The following NCKAP1 variants were observed in gnomAD, a reference collection of about 807,000 sequenced individuals.
NCKAP1 encodes the protein NCK associated protein 1.
A neutral mutation model predicts 151.2 loss-of-function variants in NCKAP1; 21 were observed. The observed-to-expected ratio is 0.14, with a 90% CI of 0.10 to 0.20. The LOEUF (loss-of-function observed/expected upper bound fraction) is 0.20, where lower values mean the gene tolerates loss of function less well. Ranked by LOEUF, NCKAP1 falls within the 10% of genes least tolerant of loss-of-function variation. The pLI is 1.00. For synonymous variants in NCKAP1, 484 were observed against 451.8 expected, an observed-to-expected ratio of 1.07 and a Z score of -0.90; for missense variants, 933 against 1,352.1, an observed-to-expected ratio of 0.69 and a Z score of 4.86.
intron 23 of NCKAP1, among the ~76,000 whole-genome samples, chr2:182,943,212 C>T (rs1339445713): frequency 6.6e-6 from 1 of 152,008 alleles, no homozygotes; most frequent in Admixed American, 6.6e-5. Context: ...TTCAGCAGAC[C>T]TGGTTGGGAA....
At chr2:182,980,906 C>T (rs893605808) in intron 13 of NCKAP1, among the ~76,000 whole-genome samples, 2 of 152,138 alleles carry the variant, frequency 1.3e-5, no homozygotes, top group African/African-American at 4.8e-5. Context: ...CACACTGAAC[C>T]AGGGTGATCT....
At chr2:182,982,730 A>G in intron 12 of NCKAP1, 91 bp downstream of exon 12, 2 of 783,402 alleles carry the variant, frequency 2.6e-6, no homozygotes, top group Non-Finnish European at 3.9e-6. Flanking sequence ...CAATATTTTC[A>G]ACTTACAATA....
In NCKAP1 at chr2:182,921,171, T is replaced by C. The variant is rs1164090931; in HGVS notation, c.*4531A>G. On this transcript the variant is annotated 3_prime_UTR_variant, in exon 31 of 31. Coordinates refer to ENST00000361354, the MANE Select transcript of NCKAP1 (RefSeq NM_013436.5). ...AAATAACTATCTTAAATTAGTAGTT[T>C]AATGAGTGAGCAATTTAGCACCTGA... 1 of 152,242 alleles carries C rather than the reference T, an allele frequency of 6.6e-6. No homozygotes were observed. Among genetic ancestry groups the C allele is most frequent in the Non-Finnish European group, 1.5e-5 (1 of 68,042 alleles). The allele number at this position is 152,242 out of a possible 1,614,324, so 9.4% of individuals were successfully genotyped here.
intron 2 of NCKAP1, among the ~76,000 whole-genome samples, chr2:183,010,367 C>A (rs558062186): frequency 1.3e-5 from 2 of 152,334 alleles, no homozygotes; most frequent in South Asian, 2.1e-4. Flanking sequence ...AAGGGCACTT[C>A]AGCATCCCTG....
chr2:182,969,526 T>C (rs1253473051), intron 15 of NCKAP1, among the ~76,000 whole-genome samples: 1 of 149,184 alleles, frequency 6.7e-6, no homozygotes, highest in African/African-American at 2.5e-5. Context: ...CTTCGGAAAC[T>C]AACATATGGA....
At chr2:182,994,575 G>A (rs569599483) in intron 8 of NCKAP1, among the ~76,000 whole-genome samples, 3 of 151,820 alleles carry the variant, frequency 2.0e-5, no homozygotes, top group Non-Finnish European at 2.9e-5. Flanking sequence ...GGAGGCGGAG[G>A]TTGCAGTGAG....
At position 182,909,953 on chromosome 2, in the gene NCKAP1, T is replaced by A. The variant is rs994467010; in HGVS notation, c.*15749A>T. ...TGGTGTTCAGACACGTATAACCAAG[T>A]CTGTTGGAATGGATGGGGTGGGAAT... On this transcript the variant is annotated 3_prime_UTR_variant, in exon 31 of 31. Coordinates refer to ENST00000361354, the MANE Select transcript of NCKAP1 (RefSeq NM_013436.5). The A allele has an allele frequency of 3.9e-5, 6 of 152,160 alleles. No individual in the cohort carries two copies. Among genetic ancestry groups the A allele is most frequent in the African/African-American group, 1.4e-4 (6 of 41,422 alleles). 9.4% of individuals were successfully genotyped at this position (152,160 alleles called of 1,614,324 possible).
At chr2:182,944,831 G>C (rs571300693) in intron 23 of NCKAP1, among the ~76,000 whole-genome samples, 28 of 152,306 alleles carry the variant, frequency 1.8e-4, no homozygotes, top group African/African-American at 6.5e-4. Flanking sequence ...GCCAGGCATG[G>C]TGACTCACAC....
At chr2:182,952,711 A>G in intron 22 of NCKAP1, 82 bp downstream of exon 22, 2 of 1,391,184 alleles carry the variant, frequency 1.4e-6, no homozygotes, top group Non-Finnish European at 1.9e-6. Flanking sequence ...GTCACAACAG[A>G]ATCAAAAGTC....
chr2:183,037,041 G>T (rs1426803128), intron 1 of NCKAP1, among the ~76,000 whole-genome samples: 1 of 152,146 alleles, frequency 6.6e-6, no homozygotes, highest in African/African-American at 2.4e-5. Flanking sequence ...TAAGGGGAGA[G>T]ATTTTGTTGT....
rs768796545 is a variant in NCKAP1, at chr2:183,006,355, G to A, written c.220-3030C>T. Among the ~76,000 whole-genome samples, 3 of 152,054 alleles carry A rather than the reference G, an allele frequency of 2.0e-5. No individual in the cohort carries two copies. In the East Asian group the frequency reaches 5.8e-4, roughly 29 times the overall value. On this transcript the variant is annotated intron_variant, in intron 2 of 30. Transcript: ENST00000361354. ...AGAAGCTGTACATTAAATATTAAGT[G>A]AATAACAAAGGAAGCTTGCAGATCA...
At chr2:182,946,226 C>G (rs897854070) in intron 23 of NCKAP1, among the ~76,000 whole-genome samples, 1 of 152,008 alleles carries the variant, frequency 6.6e-6, no homozygotes, top group Non-Finnish European at 1.5e-5. Flanking sequence ...GGTGAAACCC[C>G]GTCTCTACTA....
intron 2 of NCKAP1, among the ~76,000 whole-genome samples, chr2:183,014,772 A>G (rs1336593163): frequency 6.6e-6 from 1 of 152,254 alleles, no homozygotes; most frequent in African/African-American, 2.4e-5. Flanking sequence ...AGAAGATAAC[A>G]TGCTAAAGGT....
At chr2:183,023,601 G>GT (rs1419390146) in intron 2 of NCKAP1, among the ~76,000 whole-genome samples, 2 of 152,026 alleles carry the variant, frequency 1.3e-5, no homozygotes, top group Non-Finnish European at 2.9e-5. Flanking sequence ...GATCTTTGCT[G>GT]TAATAAAGTG....
intron 18 of NCKAP1, among the ~76,000 whole-genome samples, chr2:182,961,749 A>G (rs1697458351): frequency 1.3e-5 from 2 of 151,958 alleles, no homozygotes; most frequent in Non-Finnish European, 2.9e-5. Context: ...ATAAATAAAT[A>G]AATAGATGCT....
chr2:182,983,514 T>C (rs1041784293), intron 10 of NCKAP1, 132 bp from the exon 11 acceptor site: 12 of 580,798 alleles, frequency 2.1e-5, no homozygotes, highest in Middle Eastern at 3.3e-4. Flanking sequence ...AAAAATCATC[T>C]TCTATGTGTC....
intron 9 of NCKAP1, among the ~76,000 whole-genome samples, chr2:182,987,013 G>A (rs1427268175): frequency 2.6e-5 from 4 of 152,124 alleles, no homozygotes; most frequent in African/African-American, 9.7e-5. Flanking sequence ...AGGCCAAGGT[G>A]GGTGGATCAC....
intron 14 of NCKAP1, among the ~76,000 whole-genome samples, chr2:182,977,164 T>C (rs895512581): frequency 6.6e-6 from 1 of 152,146 alleles, no homozygotes; most frequent in East Asian, 1.9e-4. Flanking sequence ...TTTCCATTGA[T>C]AGATGAATGA....
At position 182,928,186 on chromosome 2, in the gene NCKAP1, G is replaced by A. The variant is rs1219733002; in HGVS notation, c.3111C>T (p.Asn1037=). 1 of 1,612,914 alleles carries A rather than the reference G, an allele frequency of 6.2e-7. No individual in the cohort carries two copies. Among genetic ancestry groups the A allele is most frequent in the South Asian group, 1.1e-5 (1 of 90,944 alleles). Residue 1037 remains asparagine, a synonymous_variant, in exon 29 of 31, where the codon AAC becomes AAT. Transcript: ENST00000361354. ...NNIHCLAKAI[N]QIAAALFTIH... ...TTGTAAACAAAGCTGCAGCAATCTG[G>A]TTGATGGCTTTGGCCAAGCAATGTA...
Sources: gnomAD v4.1 joint callset for allele counts (sites outside exome capture counted in the v4.1 genomes callset) on GRCh38, gnomAD v4.1.1 for gene constraint, MANE v1.5 for transcripts, NCBI Gene and HGNC (gene_info 2026-07-23, HGNC 2026-07-21) for gene names.